Variants in BRIP1 observed in about 807,000 individuals in gnomAD.
BRIP1 encodes BRCA1 interacting DNA helicase 1.
A neutral mutation model predicts 119.7 loss-of-function variants in BRIP1; 88 were observed. That is an observed-to-expected ratio of 0.74 (90% CI 0.62 to 0.88). The LOEUF (loss-of-function observed/expected upper bound fraction) is 0.88. BRIP1 is among the 40% of genes least tolerant of loss of function. BRIP1 has a pLI of 0.00. For synonymous variants in BRIP1, 443 were observed against 496.5 expected (o/e 0.89, Z 1.43); for missense variants, 1,259 against 1,455.4 (o/e 0.87, Z 2.20).
chr17:61,853,233 A>AT lies in BRIP1; in HGVS notation c.379+3824dup, dbSNP rs58620078. Among the ~76,000 whole-genome samples, 199 of 147,730 alleles carry AT rather than the reference A, an allele frequency of 1.3e-3. No individual in the cohort carries two copies. Among genetic ancestry groups the AT allele is most frequent in the Middle Eastern group, 3.5e-3 (1 of 288 alleles). ...GACACAAGATTACATATATAATTCC[A>AT]TTTTTTTTTTTTGAGATGGAGTTTC... On this transcript the variant is annotated intron_variant, in intron 4 of 19. Coordinates refer to ENST00000259008, the MANE Select transcript of BRIP1 (RefSeq NM_032043.3). The surrounding 1 kb of genome is among the most constrained non-coding windows in gnomAD (Gnocchi z 4.3).
chr17:61,813,788 C>G (rs894236240), intron 6 of BRIP1, among the ~76,000 whole-genome samples: 51 of 151,938 alleles, frequency 3.4e-4, no homozygotes, highest in Non-Finnish European at 1.5e-4. Context: ...ATATATCAAG[C>G]CACGGAGAAG....
Position 61,758,444 on chromosome 17 carries a change from T to G in BRIP1, c.2098-13853A>C, listed in dbSNP as rs916147618. Among the ~76,000 whole-genome samples the G allele has an allele frequency of 6.6e-6, 1 of 152,242 alleles. No individual in the cohort carries two copies. Among genetic ancestry groups the G allele is most frequent in the Non-Finnish European group, 1.5e-5 (1 of 68,038 alleles). On this transcript the variant is annotated intron_variant, in intron 14 of 19. Coordinates refer to ENST00000259008, the MANE Select transcript of BRIP1 (RefSeq NM_032043.3). This position sits in a 1 kb window ranked among gnomAD's most constrained non-coding sequence, Gnocchi z 5.3. Reference sequence around the variant, plus strand: ...TATAATGTTACCTAAAAGTTACTACTTTCAAGTATTGCCATCTGAATCTGC... The same window carrying G: ...TATAATGTTACCTAAAAGTTACTACGTTCAAGTATTGCCATCTGAATCTGC...
chr17:61,814,484 T>C lies in BRIP1; in HGVS notation c.628-5727A>G, dbSNP rs1353005345. 6.6e-6 allele frequency among the ~76,000 whole-genome samples: 1 copy of C among 151,968 alleles called. No homozygotes were observed. The highest frequency in any genetic ancestry group is 1.5e-5 in the Non-Finnish European group (1 of 67,908). Reference sequence around the variant, plus strand: ...AGAAAAGCTGAAAGGCTAATAAATATCTGAAAAGATGTGCCATCTAATGTA... The same window carrying C: ...AGAAAAGCTGAAAGGCTAATAAATACCTGAAAAGATGTGCCATCTAATGTA... On this transcript the variant is annotated intron_variant, in intron 6 of 19. Transcript: ENST00000259008. This position sits in a 1 kb window ranked among gnomAD's most constrained non-coding sequence, Gnocchi z 4.9.
Position 61,757,414 on chromosome 17 carries a change from AAAGT to A in BRIP1, c.2098-12827_2098-12824del, listed in dbSNP as rs1457526981. ...TATAGACAAATACTGCCCTAAAGTGAAAGTAAGACCTCTGTTGGCAATCTAACTG... is the reference window on the plus strand; with the variant it reads ...TATAGACAAATACTGCCCTAAAGTGAAAGACCTCTGTTGGCAATCTAACTG... On this transcript the variant is annotated intron_variant, in intron 14 of 19. Transcript: ENST00000259008. This position sits in a 1 kb window ranked among gnomAD's most constrained non-coding sequence, Gnocchi z 4.3. Among the ~76,000 whole-genome samples the A allele has an allele frequency of 6.6e-6, 1 of 152,152 alleles. No homozygotes were observed. Among genetic ancestry groups the A allele is most frequent in the Non-Finnish European group, 1.5e-5 (1 of 68,026 alleles).
At chr17:61,723,677 A>G (rs1487133024) in intron 16 of BRIP1, among the ~76,000 whole-genome samples, 2 of 152,224 alleles carry the variant, frequency 1.3e-5, no homozygotes, top group East Asian at 3.8e-4. Flanking sequence ...CTTTTCAAAT[A>G]CATTTTACAA....
In BRIP1 at chr17:61,776,630, A is replaced by C; in HGVS notation, c.1936-68T>G. The C allele has an allele frequency of 6.7e-7, 1 of 1,500,628 alleles. No homozygotes were observed. The highest frequency in any genetic ancestry group is 9.3e-7 in the Non-Finnish European group (1 of 1,078,070). 93.0% of individuals were successfully genotyped at this position (1,500,628 alleles called of 1,614,324 possible). A position where few individuals can be genotyped will look rare whatever the true frequency, so the allele number is the denominator to read the frequency against. On this transcript the variant is annotated intron_variant, in intron 13 of 19. Coordinates refer to ENST00000259008, the MANE Select transcript of BRIP1 (RefSeq NM_032043.3). The surrounding 1 kb of genome is among the most constrained non-coding windows in gnomAD (Gnocchi z 5.0). ...GGCATGGAAATTAGTATTTATTTGG[A>C]AGTATGTACATAAAAGATCAAGCAA...
At chr17:61,716,614 A>G (rs2061867331) in intron 16 of BRIP1, among the ~76,000 whole-genome samples, 1 of 152,060 alleles carries the variant, frequency 6.6e-6, no homozygotes, top group South Asian at 2.1e-4. Flanking sequence ...ACGTTTATCC[A>G]GTCTGGTAAT....
At chr17:61,712,648 G>A (rs942347330) in intron 17 of BRIP1, among the ~76,000 whole-genome samples, 39 of 152,194 alleles carry the variant, frequency 2.6e-4, no homozygotes, top group African/African-American at 8.7e-4. Context: ...GCTCACGCCT[G>A]TAATTCCAGC....
At chr17:61,714,594 C>G (rs1414094295) in intron 17 of BRIP1, among the ~76,000 whole-genome samples, 1 of 152,026 alleles carries the variant, frequency 6.6e-6, no homozygotes, top group African/African-American at 2.4e-5. Context: ...ATACAATTGC[C>G]TAACAACTCA....
rs1483252713 is a variant in BRIP1, at chr17:61,857,714, ACT to A, written c.206-485_206-484del. On this transcript the variant is annotated intron_variant, in intron 3 of 19. Transcript: ENST00000259008. This position sits in a 1 kb window ranked among gnomAD's most constrained non-coding sequence, Gnocchi z 5.1. ...ACTCCAGCCTAGGCGACAGAGCAAG[ACT>A]CTGTTTCAAAAACCAAAACAAAAAC... Among the ~76,000 whole-genome samples, 1 of 152,146 alleles carries A rather than the reference ACT, an allele frequency of 6.6e-6. No individual in the cohort carries two copies. Among genetic ancestry groups the A allele is most frequent in the Non-Finnish European group, 1.5e-5 (1 of 68,038 alleles).
In BRIP1 at chr17:61,755,584, A is replaced by G. The variant is rs1050944461; in HGVS notation, c.2098-10993T>C. On this transcript the variant is annotated intron_variant, in intron 14 of 19. Transcript: ENST00000259008. This position sits in a 1 kb window ranked among gnomAD's most constrained non-coding sequence, Gnocchi z 4.5. ...AAAAAACAAATAAAAATAAAATATT[A>G]AAAATAAGAGTATCCAGATGCTTTG... 1.3e-5 allele frequency among the ~76,000 whole-genome samples: 2 copies of G among 152,112 alleles called. No individual in the cohort carries two copies. Among genetic ancestry groups the G allele is most frequent in the African/African-American group, 4.8e-5 (2 of 41,416 alleles).
intron 11 of BRIP1, among the ~76,000 whole-genome samples, chr17:61,783,601 A>T (rs764744275): frequency 2.0e-5 from 3 of 152,128 alleles, no homozygotes; most frequent in Non-Finnish European, 4.4e-5. Context: ...AGAACTAGGT[A>T]CTACTATAAT....
Position 61,744,330 on chromosome 17 carries a change from C to G in BRIP1, c.2257+102G>C. 1 of 1,265,580 alleles carries G rather than the reference C, an allele frequency of 7.9e-7. No homozygotes were observed. The highest frequency in any genetic ancestry group is 2.5e-5 in the East Asian group (1 of 39,268). The allele number at this position is 1,265,580 out of a possible 1,614,324, so 78.4% of individuals were successfully genotyped here. On this transcript the variant is annotated intron_variant, in intron 15 of 19. Coordinates refer to ENST00000259008, the MANE Select transcript of BRIP1 (RefSeq NM_032043.3). This position sits in a 1 kb window ranked among gnomAD's most constrained non-coding sequence, Gnocchi z 5.0. Reference sequence around the variant, plus strand: ...CTTTTCACTCAGGATTATAATTTTTCTCTTAAGTGTAATTCATCTAAAAAT... The same window carrying G: ...CTTTTCACTCAGGATTATAATTTTTGTCTTAAGTGTAATTCATCTAAAAAT...
chr17:61,787,284 A>G (rs1257995955), intron 10 of BRIP1, among the ~76,000 whole-genome samples: 11 of 98,132 alleles, frequency 1.1e-4, no homozygotes, highest in African/African-American at 3.7e-4. Context: ...AATATATTAT[A>G]TACTATATAA....
intron 6 of BRIP1, among the ~76,000 whole-genome samples, chr17:61,838,212 T>C (rs946904583): frequency 3.3e-5 from 5 of 152,034 alleles, no homozygotes; most frequent in Admixed American, 1.3e-4. Context: ...CCTAGTATCA[T>C]ATAATAAAAA....
In BRIP1 at chr17:61,811,381, G is replaced by A. The variant is rs77391542; in HGVS notation, c.628-2624C>T. ...TGCGATTACAGGCGTCCACCACCAC[G>A]CCTGGCTAATGTTGTGTTTTTATTA... On this transcript the variant is annotated intron_variant, in intron 6 of 19. Coordinates refer to ENST00000259008, the MANE Select transcript of BRIP1 (RefSeq NM_032043.3). Among the ~76,000 whole-genome samples the A allele has an allele frequency of 4.2e-3, 642 of 151,632 alleles. 6 individuals carry two copies. The highest frequency in any genetic ancestry group is 0.015 in the African/African-American group (600 of 41,368).
Position 61,744,174 on chromosome 17 carries a change from A to G in BRIP1, c.2257+258T>C, listed in dbSNP as rs1213020542. Among the ~76,000 whole-genome samples the G allele has an allele frequency of 6.6e-6, 1 of 152,134 alleles. No individual in the cohort carries two copies. The highest frequency in any genetic ancestry group is 1.5e-5 in the Non-Finnish European group (1 of 68,022). On this transcript the variant is annotated intron_variant, in intron 15 of 19. Transcript: ENST00000259008. This position sits in a 1 kb window ranked among gnomAD's most constrained non-coding sequence, Gnocchi z 5.0. ...TCCTAACTGCCTTTTTGCACAAACT[A>G]TTTCAGGTAGTGCACTGAAGACTGT...
Position 61,762,599 on chromosome 17 carries a change from T to TGAC in BRIP1, c.2097+13799_2097+13801dup, listed in dbSNP as rs899772809. On this transcript the variant is annotated intron_variant, in intron 14 of 19. Coordinates refer to ENST00000259008, the MANE Select transcript of BRIP1 (RefSeq NM_032043.3). The surrounding 1 kb of genome is among the most constrained non-coding windows in gnomAD (Gnocchi z 4.3). ...GACATTTCTAAAAGAAGACAACAAA[T>TGAC]GACCAACAGATACATGAAAAAATGC... 1.1e-4 allele frequency among the ~76,000 whole-genome samples: 16 copies of TGAC among 152,092 alleles called. No individual in the cohort carries two copies. Among genetic ancestry groups the TGAC allele is most frequent in the African/African-American group, 3.9e-4 (16 of 41,508 alleles).
rs1288083789 is a variant in BRIP1, at chr17:61,795,384, C to G, written c.1341-1655G>C. Among the ~76,000 whole-genome samples, 1 of 152,004 alleles carries G rather than the reference C, an allele frequency of 6.6e-6. No individual in the cohort carries two copies. The highest frequency in any genetic ancestry group is 1.5e-5 in the Non-Finnish European group (1 of 67,944). On this transcript the variant is annotated intron_variant, in intron 9 of 19. Transcript: ENST00000259008. This position sits in a 1 kb window ranked among gnomAD's most constrained non-coding sequence, Gnocchi z 5.6. ...TTGTACTCATTAACCAACCCCTCCT[C>G]CCCTGTGATCCCCATCTACTACCCT...
Sources: allele counts gnomAD v4.1 joint callset (sites outside exome capture counted in the v4.1 genomes callset), GRCh38; gene constraint gnomAD v4.1.1; non-coding constraint Gnocchi (gnomAD v3.1); transcripts MANE v1.5; gene names NCBI Gene and HGNC (gene_info 2026-07-23, HGNC 2026-07-21).